The following MARCHF1 variants were observed in gnomAD, a reference collection of about 807,000 sequenced individuals.
The protein encoded by MARCHF1 is membrane associated ring-CH-type finger 1.
In MARCHF1, 40 loss-of-function variants were observed where a neutral mutation model predicts 54.2. The ratio of observed to expected loss-of-function variants is 0.74; its 90% CI spans 0.57 to 0.96. The LOEUF is 0.96. Among genes scored for constraint, MARCHF1 ranks in the 40% least tolerant of loss-of-function variants. The pLI, the probability that MARCHF1 is intolerant of heterozygous loss-of-function variation, is 0.00. For missense variants in MARCHF1, 586 were observed against 656.5 expected, an observed-to-expected ratio of 0.89 and a Z score of 1.17; for synonymous variants, 236 against 236.3, an observed-to-expected ratio of 1.00 and a Z score of 0.01.
intron 1 of MARCHF1, among the ~76,000 whole-genome samples, chr4:164,369,081 C>CCT (rs68089309): frequency 0.87 from 130,132 of 150,416 alleles, 56,277 homozygotes; most frequent in African/African-American, 0.94. Flanking sequence ...ATATCAGCTC[C>CCT]CTCTCTCAGG....
At chr4:163,899,513 C>T (rs1464848479) in intron 3 of MARCHF1, among the ~76,000 whole-genome samples, 1 of 152,066 alleles carries the variant, frequency 6.6e-6, no homozygotes, top group Non-Finnish European at 1.5e-5. Context: ...TCTTTGTAAA[C>T]ATAAGAATAG....
At chr4:164,039,161 A>G (rs867221123) in intron 2 of MARCHF1, among the ~76,000 whole-genome samples, 1 of 152,178 alleles carries the variant, frequency 6.6e-6, no homozygotes, top group Middle Eastern at 3.2e-3. Context: ...TAATTTGGAG[A>G]AATGAAAAAA....
rs920516714 is a variant in MARCHF1 at position 164,350,904 on chromosome 4, G to A, written c.-323+32966C>T. ...ACAGTGGGCGCAGGCGAGTGGGTGCGTGCACCGGGCGCGAGCCGAAGCAGG... is the reference window on the plus strand; with the variant it reads ...ACAGTGGGCGCAGGCGAGTGGGTGCATGCACCGGGCGCGAGCCGAAGCAGG... On this transcript the variant is annotated intron_variant, in intron 1 of 9. Coordinates refer to ENST00000514618, the MANE Select transcript of MARCHF1 (RefSeq NM_001394959.1). Among the ~76,000 whole-genome samples the A allele has an allele frequency of 1.1e-4, 17 of 152,128 alleles. No individual in the cohort carries two copies. In the East Asian group the frequency reaches 1.4e-3, roughly 12 times the overall value.
chr4:164,157,630 G>A (rs1198183445), intron 1 of MARCHF1, among the ~76,000 whole-genome samples: 1 of 152,110 alleles, frequency 6.6e-6, no homozygotes, highest in Non-Finnish European at 1.5e-5. Context: ...TCTCTGTCTA[G>A]CATCTGGGTA....
At chr4:163,740,611 G>A (rs1746167617) in intron 4 of MARCHF1, among the ~76,000 whole-genome samples, 3 of 152,144 alleles carry the variant, frequency 2.0e-5, no homozygotes, top group Admixed American at 2.0e-4. Context: ...CAGTAAGTAT[G>A]CCTGCCCTTT....
At chr4:163,733,459 TTTATTA>T (rs1554008904) in intron 4 of MARCHF1, among the ~76,000 whole-genome samples, 1 of 149,348 alleles carries the variant, frequency 6.7e-6, no homozygotes, top group Non-Finnish European at 1.5e-5. Flanking sequence ...TTTTTTTAAT[TTTATTA>T]TTATTATACT....
At chr4:164,227,566 A>G (rs1732293118) in intron 1 of MARCHF1, among the ~76,000 whole-genome samples, 1 of 152,154 alleles carries the variant, frequency 6.6e-6, no homozygotes, top group Admixed American at 6.6e-5. Context: ...ATGTTGACAA[A>G]TATCTTGAAA....
At chr4:164,366,404 C>T (rs1730881646) in intron 1 of MARCHF1, among the ~76,000 whole-genome samples, 1 of 151,878 alleles carries the variant, frequency 6.6e-6, no homozygotes, top group South Asian at 2.1e-4. Context: ...TGCATATAAT[C>T]TTTTATAAAA....
intron 2 of MARCHF1, among the ~76,000 whole-genome samples, chr4:164,064,231 G>C (rs1425920663): frequency 2.6e-5 from 4 of 152,192 alleles, no homozygotes; most frequent in Admixed American, 1.3e-4. Context: ...GAACAGCATT[G>C]AATCTATAAA....
intron 2 of MARCHF1, among the ~76,000 whole-genome samples, chr4:164,032,892 C>T (rs756859703): frequency 7.9e-5 from 12 of 151,978 alleles, no homozygotes; most frequent in African/African-American, 1.2e-4. Flanking sequence ...TCATGCTACC[C>T]GACTTCAAAC....
chr4:164,297,656 A>G lies in MARCHF1; in HGVS notation c.-323+86214T>C, dbSNP rs183766117. Among the ~76,000 whole-genome samples the G allele has an allele frequency of 1.8e-3, 250 of 139,156 alleles. 3 individuals are homozygous for G. Among genetic ancestry groups the G allele is most frequent in the Non-Finnish European group, 4.9e-5 (3 of 60,856 alleles). The allele number at this position is 139,156 out of a possible 152,430, so 91.3% of individuals were successfully genotyped here. A position where few individuals can be genotyped will look rare whatever the true frequency, so the allele number is the denominator to read the frequency against. On this transcript the variant is annotated intron_variant, in intron 1 of 9. Coordinates refer to ENST00000514618, the MANE Select transcript of MARCHF1 (RefSeq NM_001394959.1). Reference sequence around the variant, plus strand: ...AGGGTATTAGTGAAAAAAGTAGTGAACTATGAACAAAGCCTGCAGTTTAAC... The same window carrying G: ...AGGGTATTAGTGAAAAAAGTAGTGAGCTATGAACAAAGCCTGCAGTTTAAC...
chr4:163,695,663 C>T (rs1291487962), intron 5 of MARCHF1, among the ~76,000 whole-genome samples: 2 of 152,218 alleles, frequency 1.3e-5, no homozygotes, highest in East Asian at 3.9e-4. Context: ...GAGCTGCTTC[C>T]TACACACACC....
chr4:163,526,954 TTTG>T lies in MARCHF1; in HGVS notation c.*1791_*1793del, dbSNP rs1291649760. The T allele has an allele frequency of 4.6e-5, 7 of 150,718 alleles. No homozygotes were observed. The highest frequency in any genetic ancestry group is 2.1e-4 in the South Asian group (1 of 4,720). 9.3% of individuals were successfully genotyped at this position (150,718 alleles called of 1,614,324 possible). On this transcript the variant is annotated 3_prime_UTR_variant, in exon 10 of 10. Transcript: ENST00000514618. ...TACCATCTTTCTCCTCATTTAAAGGTTTGTTTTTTTTTTCCCTTTTTCCTATGA... is the reference window on the plus strand; with the variant it reads ...TACCATCTTTCTCCTCATTTAAAGGTTTTTTTTTTTCCCTTTTTCCTATGA...
intron 9 of MARCHF1, among the ~76,000 whole-genome samples, chr4:163,544,821 A>T (rs2289499): frequency 0.57 from 87,199 of 151,954 alleles, 25,544 homozygotes; most frequent in Admixed American, 0.7. Flanking sequence ...TGTCTTTTCT[A>T]GAGGCATCAG....
intron 4 of MARCHF1, among the ~76,000 whole-genome samples, chr4:163,714,187 G>A (rs1745192280): frequency 6.6e-6 from 1 of 152,110 alleles, no homozygotes. Flanking sequence ...ATAGTTATAA[G>A]GATTGGCTTG....
At chr4:163,789,599 GCTCT>G (rs34751415) in intron 4 of MARCHF1, among the ~76,000 whole-genome samples, 40,949 of 151,610 alleles carry the variant, frequency 0.27, 6,609 homozygotes, top group Non-Finnish European at 0.37. Flanking sequence ...CTGATTCTTG[GCTCT>G]CTCTATTATG....
chr4:163,782,437 G>A (rs998251567), intron 4 of MARCHF1, among the ~76,000 whole-genome samples: 6 of 152,058 alleles, frequency 3.9e-5, no homozygotes, highest in Admixed American at 2.6e-4. Flanking sequence ...TTGGGAGGCC[G>A]AGGTGGGTGG....
rs1037751058 is a variant in MARCHF1 at position 163,527,925 on chromosome 4, A to C, written c.*823T>G. 2 of 152,458 alleles carry C rather than the reference A, an allele frequency of 1.3e-5. No homozygotes were observed. Among genetic ancestry groups the C allele is most frequent in the African/African-American group, 2.4e-5 (1 of 41,456 alleles). 9.4% of individuals were successfully genotyped at this position (152,458 alleles called of 1,614,324 possible). ...AAACAAACATTTATTTTTACTTTTT[A>C]AAATAGGGCTACTGGGAAGTTAAAT... On this transcript the variant is annotated 3_prime_UTR_variant, in exon 10 of 10. Coordinates refer to ENST00000514618, the MANE Select transcript of MARCHF1 (RefSeq NM_001394959.1).
intron 1 of MARCHF1, among the ~76,000 whole-genome samples, chr4:164,156,739 T>C (rs1211409214): frequency 6.6e-6 from 1 of 152,132 alleles, no homozygotes; most frequent in Non-Finnish European, 1.5e-5. Flanking sequence ...TTAATTCTTG[T>C]CATTTTATAG....
Sources: gnomAD v4.1 joint callset for allele counts (sites outside exome capture counted in the v4.1 genomes callset) on GRCh38, gnomAD v4.1.1 for gene constraint, MANE v1.5 for transcripts, NCBI Gene and HGNC (gene_info 2026-07-23, HGNC 2026-07-21) for gene names.